Variants in TMEM50B observed in about 807,000 individuals in gnomAD.
The protein encoded by TMEM50B is HCV p7-trans-regulated protein 3.
A neutral mutation model predicts 23.4 loss-of-function variants in TMEM50B; 14 were observed. The observed-to-expected ratio is 0.60, with a 90% CI of 0.39 to 0.93. TMEM50B has a LOEUF of 0.93. Among genes scored for constraint, TMEM50B ranks in the 40% least tolerant of loss-of-function variants. TMEM50B has a pLI of 0.00. For synonymous variants in TMEM50B, 64 were observed against 62.3 expected (o/e 1.03, Z -0.13); for missense variants, 159 against 193.0 (o/e 0.82, Z 1.04).
chr21:33,447,916 T>C (rs1419367861), downstream of TMEM50B, among the ~76,000 whole-genome samples: 2 of 152,224 alleles, frequency 1.3e-5, no homozygotes. Flanking sequence ...CATGCATTTG[T>C]AGATGATTAC....
chr21:33,478,845 G>C (rs2084398815), intron 1 of TMEM50B: 1 of 471,030 alleles, frequency 2.1e-6, no homozygotes, highest in East Asian at 6.9e-5. Context: ...ACCGGCCTGA[G>C]AGTTCAGAGC....
At chr21:33,448,938 CAGAAAT>C (rs1208957773), downstream of TMEM50B, 5 of 151,502 alleles carry the variant, frequency 3.3e-5, no homozygotes, top group Non-Finnish European at 7.4e-5. Flanking sequence ...ATGGCAGAGT[CAGAAAT>C]AGAAAAAAAC....
intron 1 of TMEM50B, 85 bp from the exon 2 acceptor site, chr21:33,469,011 A>T: frequency 1.4e-6 from 1 of 698,444 alleles, no homozygotes. Flanking sequence ...AAAGCTTTAC[A>T]CACAACTTTA....
Position 33,449,331 on chromosome 21 carries a change from G to T in TMEM50B, c.*1487C>A, listed in dbSNP as rs1015166693. ...CAACTGCTTCATACTCTGTGCACAA[G>T]AAATCCTCTCAAGAGAGAGGAGAGG... On this transcript the variant is annotated 3_prime_UTR_variant, in exon 7 of 7. Transcript: ENST00000542230. 2 of 150,964 alleles carry T rather than the reference G, an allele frequency of 1.3e-5. No homozygotes were observed. Among genetic ancestry groups the T allele is most frequent in the Non-Finnish European group, 3.0e-5 (2 of 67,512 alleles). 9.4% of individuals were successfully genotyped at this position (150,964 alleles called of 1,614,324 possible).
chr21:33,468,700 A>G, intron 2 of TMEM50B, 87 bp downstream of exon 2: 1 of 1,010,486 alleles, frequency 9.9e-7, no homozygotes, highest in Non-Finnish European at 1.5e-6. Flanking sequence ...TAGTTCTGGA[A>G]AGCCATTCTC....
At chr21:33,445,899 G>A (rs1319264472), downstream of TMEM50B, among the ~76,000 whole-genome samples, 1 of 152,204 alleles carries the variant, frequency 6.6e-6, no homozygotes, top group African/African-American at 2.4e-5. Context: ...CAGGGAAACA[G>A]TCTTGCAGTC....
intron 4 of TMEM50B, among the ~76,000 whole-genome samples, chr21:33,461,696 T>C (rs532083947): frequency 6.1e-4 from 93 of 151,932 alleles, no homozygotes; most frequent in African/African-American, 2.2e-3. Context: ...TCCCAGCTAT[T>C]CAAGAGGCTG....
intron 7 of TMEM50B, among the ~76,000 whole-genome samples, chr21:33,442,690 G>A (rs1339136504): frequency 6.6e-6 from 1 of 152,122 alleles, no homozygotes; most frequent in Admixed American, 6.6e-5. Flanking sequence ...GGAGGCAGAG[G>A]CAGGCAGATC....
chr21:33,432,544 G>C, exon 9 of TMEM50B: 1 of 876,642 alleles, frequency 1.1e-6, no homozygotes, highest in Non-Finnish European at 1.9e-6. Flanking sequence ...TTCATTACAG[G>C]ATTGACTTTA....
rs1169612171 is a variant in TMEM50B at position 33,450,727 on chromosome 21, A to G, written c.*91T>C. 2.1e-6 allele frequency: 2 copies of G among 940,146 alleles called. No individual in the cohort carries two copies. The highest frequency in any genetic ancestry group is 1.7e-5 in the African/African-American group (1 of 60,460). The allele number at this position is 940,146 out of a possible 1,614,324, so 58.2% of individuals were successfully genotyped here. On this transcript the variant is annotated 3_prime_UTR_variant, in exon 7 of 7. Transcript: ENST00000542230. ...AAAGAAACAAAACATTTAATGTACA[A>G]TCTACTCCATTTGGCAATGTGTACT... is the stretch of plus-strand genomic sequence containing the variant.
At chr21:33,433,880 C>T (rs1401472072) in intron 8 of TMEM50B, among the ~76,000 whole-genome samples, 2 of 151,840 alleles carry the variant, frequency 1.3e-5, no homozygotes, top group East Asian at 3.9e-4. Flanking sequence ...CAGCAGGTCT[C>T]CTCTGCTGTC....
chr21:33,470,467 T>C (rs948504174), intron 1 of TMEM50B, among the ~76,000 whole-genome samples: 2 of 141,960 alleles, frequency 1.4e-5, no homozygotes, highest in African/African-American at 5.2e-5. Flanking sequence ...CTCGGTGGCT[T>C]ACGCCTGTAA....
At chr21:33,474,050 C>CT (rs60618411) in intron 1 of TMEM50B, among the ~76,000 whole-genome samples, 22,653 of 152,110 alleles carry the variant, frequency 0.15, 1,876 homozygotes, top group African/African-American at 0.21. Context: ...CTGCAAAAGG[C>CT]TACAAGATTC....
At chr21:33,463,481 G>A (rs985333017) in intron 4 of TMEM50B, among the ~76,000 whole-genome samples, 5 of 152,014 alleles carry the variant, frequency 3.3e-5, no homozygotes, top group African/African-American at 1.2e-4. Flanking sequence ...GTGAGGGGAA[G>A]AGTATTAACT....
intron 1 of TMEM50B, among the ~76,000 whole-genome samples, chr21:33,478,061 G>C (rs1464604386): frequency 1.3e-5 from 2 of 151,084 alleles, no homozygotes; most frequent in Non-Finnish European, 2.9e-5. Flanking sequence ...CGTGAACCCA[G>C]GACGTGGAGC....
At chr21:33,433,184 C>A (rs1036419209) in intron 8 of TMEM50B, among the ~76,000 whole-genome samples, 5 of 152,114 alleles carry the variant, frequency 3.3e-5, no homozygotes, top group Non-Finnish European at 5.9e-5. Flanking sequence ...CTGCGCCCGG[C>A]CACGCAGACA....
chr21:33,446,669 A>C (rs1198455956), downstream of TMEM50B, among the ~76,000 whole-genome samples: 2 of 148,582 alleles, frequency 1.3e-5, no homozygotes, highest in Non-Finnish European at 3.0e-5. Context: ...AAAAAAAAAA[A>C]AAAAAAAAAC....
chr21:33,446,224 ATTTTT>A (rs1225587398), downstream of TMEM50B, among the ~76,000 whole-genome samples: 1 of 141,500 alleles, frequency 7.1e-6, no homozygotes, highest in African/African-American at 2.5e-5. Flanking sequence ...TTTTTCTTTT[ATTTTT>A]TTTATTTTTT....
At chr21:33,433,010 T>A in intron 8 of TMEM50B, 1 of 737,464 alleles carries the variant, frequency 1.4e-6, no homozygotes, top group Non-Finnish European at 2.3e-6. Flanking sequence ...CTCAGCCTCC[T>A]GAGTAGCTGG....
Sources: gnomAD v4.1 joint callset for allele counts (sites outside exome capture counted in the v4.1 genomes callset) on GRCh38, gnomAD v4.1.1 for gene constraint, MANE v1.5 for transcripts, NCBI Gene and HGNC (gene_info 2026-07-23, HGNC 2026-07-21) for gene names.